Variants in CTNND2 observed in about 807,000 individuals in gnomAD.
CTNND2 encodes catenin delta 2.
In CTNND2, 22 loss-of-function variants were observed where a neutral mutation model predicts 144.4. The observed-to-expected ratio is 0.15, with a 90% CI of 0.11 to 0.22. CTNND2 has a LOEUF of 0.22. Ranked by LOEUF, CTNND2 falls within the 10% of genes least tolerant of loss-of-function variation. The pLI is 1.00. For missense variants in CTNND2, 1,353 were observed against 1,618.8 expected (o/e 0.84, Z 2.82); for synonymous variants, 751 against 695.6 (o/e 1.08, Z -1.25).
intron 1 of CTNND2, among the ~76,000 whole-genome samples, chr5:11,832,021 T>C (rs772858063): frequency 2.0e-5 from 3 of 152,144 alleles, no homozygotes; most frequent in Non-Finnish European, 4.4e-5. Flanking sequence ...CAGTGGCTTA[T>C]GCCTGTAATC....
intron 8 of CTNND2, among the ~76,000 whole-genome samples, chr5:11,353,515 A>T (rs943837133): frequency 1.2e-4 from 18 of 152,204 alleles, no homozygotes; most frequent in Non-Finnish European, 2.2e-4. Flanking sequence ...CCATCATAAT[A>T]TTCCTAGGGC....
intron 15 of CTNND2, among the ~76,000 whole-genome samples, chr5:11,089,001 A>G (rs1466733510): frequency 6.6e-6 from 1 of 152,212 alleles, no homozygotes; most frequent in Non-Finnish European, 1.5e-5. Context: ...GACTTTCATA[A>G]GAGAACATAT....
intron 2 of CTNND2, among the ~76,000 whole-genome samples, chr5:11,638,156 CT>C (rs1781810189): frequency 6.6e-6 from 1 of 152,156 alleles, no homozygotes; most frequent in Non-Finnish European, 1.5e-5. Flanking sequence ...TAATTAATGG[CT>C]TGTGCCCATG....
chr5:11,246,776 C>T (rs868575560), intron 9 of CTNND2, among the ~76,000 whole-genome samples: 13 of 152,006 alleles, frequency 8.6e-5, no homozygotes, highest in South Asian at 4.2e-4. Context: ...GAGACTGCTC[C>T]GAGAAGGTGA....
chr5:11,034,756 TTTC>T (rs928157909), intron 16 of CTNND2, among the ~76,000 whole-genome samples: 1 of 152,130 alleles, frequency 6.6e-6, no homozygotes, highest in East Asian at 1.9e-4. Flanking sequence ...ATGTGTTAGT[TTTC>T]TTCTTTTTTT....
intron 8 of CTNND2, among the ~76,000 whole-genome samples, chr5:11,355,720 T>C (rs541607884): frequency 6.6e-6 from 1 of 152,154 alleles, no homozygotes; most frequent in African/African-American, 2.4e-5. Flanking sequence ...GGCATTGAAA[T>C]TGGAAAGGAG....
intron 2 of CTNND2, among the ~76,000 whole-genome samples, chr5:11,707,569 T>C (rs1053362681): frequency 4.6e-5 from 7 of 152,114 alleles, no homozygotes; most frequent in Admixed American, 6.5e-5. Context: ...AAAACTACAA[T>C]AGGTGATGAG....
In CTNND2 at chr5:11,824,648, T is replaced by C. The variant is rs1206270619; in HGVS notation, c.37+79169A>G. Among the ~76,000 whole-genome samples the C allele has an allele frequency of 7.9e-5, 12 of 152,158 alleles. No homozygotes were observed. The East Asian group carries it at 9.6e-4, about 12-fold the overall frequency. ...TCTCCTACCCAAGAAAAATCAGAGA[T>C]GCCGACGAGGTCCTAAACCCTAGAC... On this transcript the variant is annotated intron_variant, in intron 1 of 21. Transcript: ENST00000304623.
At chr5:11,212,650 G>A (rs1337402940) in intron 10 of CTNND2, among the ~76,000 whole-genome samples, 1 of 152,246 alleles carries the variant, frequency 6.6e-6, no homozygotes, top group Admixed American at 6.5e-5. Context: ...CAGAATGTAA[G>A]AGCGTGGCAC....
intron 9 of CTNND2, among the ~76,000 whole-genome samples, chr5:11,320,004 C>A (rs1751877880): frequency 6.6e-6 from 1 of 152,134 alleles, no homozygotes; most frequent in African/African-American, 2.4e-5. Context: ...TATACACAGG[C>A]ACTGAGCTGA....
At chr5:11,656,307 T>C (rs1279499422) in intron 2 of CTNND2, among the ~76,000 whole-genome samples, 1 of 152,042 alleles carries the variant, frequency 6.6e-6, no homozygotes, top group Non-Finnish European at 1.5e-5. Flanking sequence ...AATGGTCTTG[T>C]TAAACACTCT....
intron 2 of CTNND2, among the ~76,000 whole-genome samples, chr5:11,718,647 G>C (rs1426455868): frequency 6.6e-6 from 1 of 151,906 alleles, no homozygotes; most frequent in African/African-American, 2.4e-5. Flanking sequence ...AAAAGTAAGA[G>C]AGAAAAAATC....
intron 3 of CTNND2, among the ~76,000 whole-genome samples, chr5:11,497,385 G>A (rs779313229): frequency 2.0e-5 from 3 of 151,930 alleles, no homozygotes; most frequent in Non-Finnish European, 2.9e-5. Flanking sequence ...CTGCAGGAAG[G>A]AGTAGGGAGC....
chr5:11,351,899 C>T (rs543143124), intron 8 of CTNND2, among the ~76,000 whole-genome samples: 232 of 152,174 alleles, frequency 1.5e-3, no homozygotes, highest in Non-Finnish European at 2.7e-3. Context: ...GATGAGGTGA[C>T]AATGGGTCCA....
chr5:11,860,218 CAAAA>C (rs1052939765), intron 1 of CTNND2, among the ~76,000 whole-genome samples: 1 of 152,150 alleles, frequency 6.6e-6, no homozygotes, highest in African/African-American at 2.4e-5. Context: ...ATCTTTTAAG[CAAAA>C]TAGCACCCAC....
At chr5:11,798,434 T>C (rs981100838) in intron 1 of CTNND2, among the ~76,000 whole-genome samples, 2 of 152,152 alleles carry the variant, frequency 1.3e-5, no homozygotes, top group Non-Finnish European at 2.9e-5. Context: ...TGTGTGTGTA[T>C]GAAGTGAGAG....
chr5:11,131,853 C>T lies in CTNND2; in HGVS notation c.2160-14286G>A, dbSNP rs138974920. Among the ~76,000 whole-genome samples, 403 of 152,138 alleles carry T rather than the reference C, an allele frequency of 2.6e-3. 3 individuals carry two copies. Among genetic ancestry groups the T allele is most frequent in the African/African-American group, 9.2e-3 (383 of 41,524 alleles). ...CATCCCCTAATTCCACATATGCAGTCATGTAATCTTTTAATTTATTTACTT... is the reference window on the plus strand; with the variant it reads ...CATCCCCTAATTCCACATATGCAGTTATGTAATCTTTTAATTTATTTACTT... On this transcript the variant is annotated intron_variant, in intron 12 of 21. Transcript: ENST00000304623.
chr5:11,554,674 TA>T (rs1415969818), intron 3 of CTNND2, among the ~76,000 whole-genome samples: 5 of 152,228 alleles, frequency 3.3e-5, no homozygotes, highest in Non-Finnish European at 7.4e-5. Context: ...TATTAGTCAT[TA>T]CTATTGTTAG....
intron 9 of CTNND2, among the ~76,000 whole-genome samples, chr5:11,318,203 C>A (rs1392065316): frequency 6.6e-6 from 1 of 152,148 alleles, no homozygotes; most frequent in East Asian, 1.9e-4. Context: ...TCCATCACTC[C>A]CTCATTCTCT....
Sources: allele counts gnomAD v4.1 joint callset (sites outside exome capture counted in the v4.1 genomes callset), GRCh38; gene constraint gnomAD v4.1.1; transcripts MANE v1.5; gene names NCBI Gene and HGNC (gene_info 2026-07-23, HGNC 2026-07-21).